The following NDRG3 variants were observed in gnomAD, a reference collection of about 807,000 sequenced individuals.
NDRG3 encodes NDRG family member 3, also known as protein NDRG3.
NDRG3 carries 23 observed loss-of-function variants against 57.2 expected under a neutral mutation model. The observed-to-expected ratio is 0.40, with a 90% CI of 0.29 to 0.57. NDRG3 has a LOEUF of 0.57. Among genes scored for constraint, NDRG3 ranks in the 20% least tolerant of loss-of-function variants. NDRG3 has a pLI of 0.42. For synonymous variants in NDRG3, 132 were observed against 162.6 expected (o/e 0.81, Z 1.43); for missense variants, 384 against 457.3 (o/e 0.84, Z 1.46).
rs189414069 is a variant in NDRG3 at position 36,672,183 on chromosome 20, C to T, written c.532-786G>A. On this transcript the variant is annotated intron_variant, in intron 8 of 15. Transcript: ENST00000349004. ...GGAAATGAGTTGTTTACAGAATGTT[C>T]TTGAGTTTTAAACATTTTTCTCCTA... 2.3e-3 allele frequency among the ~76,000 whole-genome samples: 357 copies of T among 152,218 alleles called. 2 individuals carry two copies. The highest frequency in any genetic ancestry group is 0.01 in the Middle Eastern group (3 of 294).
At chr20:36,701,611 G>A (rs1983230795) in intron 3 of NDRG3, among the ~76,000 whole-genome samples, 1 of 147,202 alleles carries the variant, frequency 6.8e-6, no homozygotes, top group Admixed American at 6.9e-5. Flanking sequence ...GCAATGGTGC[G>A]ATCTCAGCCC....
intron 1 of NDRG3, among the ~76,000 whole-genome samples, chr20:36,745,823 C>G (rs1258470695): frequency 6.4e-5 from 9 of 140,202 alleles, no homozygotes. Context: ...CGCCGGCGGG[C>G]TGGGCGCGGG....
chr20:36,668,776 TTA>T (rs1233821309), intron 9 of NDRG3: 1 of 151,130 alleles, frequency 6.6e-6, no homozygotes, highest in African/African-American at 2.4e-5. Context: ...ACATACATAG[TTA>T]TATATATACA....
intron 2 of NDRG3, among the ~76,000 whole-genome samples, chr20:36,719,849 G>A (rs1568664571): frequency 6.6e-6 from 1 of 152,034 alleles, no homozygotes; most frequent in Non-Finnish European, 1.5e-5. Context: ...GGGCATGGTG[G>A]CTCATGCCTG....
chr20:36,728,755 T>G (rs1225561481), intron 1 of NDRG3, among the ~76,000 whole-genome samples: 1 of 152,016 alleles, frequency 6.6e-6, no homozygotes, highest in African/African-American at 2.4e-5. Flanking sequence ...AGACAGAGTC[T>G]CACTCTGTCG....
intron 8 of NDRG3, among the ~76,000 whole-genome samples, chr20:36,674,777 T>C (rs557999515): frequency 6.6e-6 from 1 of 151,236 alleles, no homozygotes; most frequent in East Asian, 2.0e-4. Flanking sequence ...TGACACAAAG[T>C]CTTGTTCTGT....
intron 6 of NDRG3, among the ~76,000 whole-genome samples, chr20:36,683,625 T>G (rs6065174): frequency 1.3e-5 from 2 of 148,214 alleles, no homozygotes; most frequent in East Asian, 3.9e-4. Flanking sequence ...TCAAAACAAA[T>G]AAATAAATAA....
At chr20:36,666,253 T>C (rs1317402318) in intron 10 of NDRG3, 36 bp downstream of exon 10, 4 of 1,494,894 alleles carry the variant, frequency 2.7e-6, no homozygotes, top group Non-Finnish European at 3.7e-6. Context: ...TTAGAACCTG[T>C]TTACATTTAA....
At chr20:36,674,866 G>A in intron 8 of NDRG3, among the ~76,000 whole-genome samples, 1 of 139,464 alleles carries the variant, frequency 7.2e-6, no homozygotes, top group East Asian at 2.2e-4. Context: ...CTACAGGCAT[G>A]AGCCACCATG....
chr20:36,719,425 CAAAAA>C (rs542067369), intron 2 of NDRG3, among the ~76,000 whole-genome samples: 1 of 71,204 alleles, frequency 1.4e-5, no homozygotes, highest in Non-Finnish European at 2.8e-5. Context: ...GACTCCGTTT[CAAAAA>C]AAAAAAAAAA....
intron 1 of NDRG3, among the ~76,000 whole-genome samples, chr20:36,726,914 CTTTT>C (rs34520989): frequency 1.6e-5 from 2 of 125,434 alleles, no homozygotes; most frequent in Non-Finnish European, 3.1e-5. Context: ...ATCTTTCTTT[CTTTT>C]TTTTTTTTTT....
intron 12 of NDRG3, among the ~76,000 whole-genome samples, chr20:36,661,641 C>T (rs1348202112): frequency 1.3e-5 from 2 of 152,112 alleles, no homozygotes; most frequent in African/African-American, 2.4e-5. Context: ...GAATGGCTAC[C>T]GAGCCAAGTG....
At chr20:36,656,057 C>T (rs1294333715) in intron 15 of NDRG3, among the ~76,000 whole-genome samples, 1 of 150,802 alleles carries the variant, frequency 6.6e-6, no homozygotes, top group African/African-American at 2.4e-5. Flanking sequence ...TCGCTTGAAC[C>T]CAGGAGGCGG....
chr20:36,740,611 G>A lies in NDRG3; in HGVS notation c.-49+5434C>T, dbSNP rs551812465. Among the ~76,000 whole-genome samples the A allele has an allele frequency of 2.0e-5, 3 of 152,260 alleles. No homozygotes were observed. In the East Asian group the frequency reaches 5.8e-4, roughly 29 times the overall value. ...CCCGCCTCGGACTCCTAAAGTGCTG[G>A]GATTACAGGCGTGAGCCACCACACC... is the stretch of plus-strand genomic sequence containing the variant. On this transcript the variant is annotated intron_variant, in intron 1 of 15. Coordinates refer to ENST00000349004, the MANE Select transcript of NDRG3 (RefSeq NM_032013.4).
At chr20:36,688,913 G>T in intron 3 of NDRG3, 129 bp from the exon 4 acceptor site, 1 of 696,900 alleles carries the variant, frequency 1.4e-6, no homozygotes, top group Non-Finnish European at 2.6e-6. Context: ...ATTACATGTG[G>T]CTGGGCGTGG....
chr20:36,692,443 C>T (rs1270981187), intron 3 of NDRG3, among the ~76,000 whole-genome samples: 2 of 152,008 alleles, frequency 1.3e-5, no homozygotes, highest in Admixed American at 1.3e-4. Flanking sequence ...GGGCTGGTCT[C>T]GAACTCCTGA....
intron 9 of NDRG3, among the ~76,000 whole-genome samples, chr20:36,669,092 T>C (rs1979897241): frequency 2.0e-5 from 3 of 151,918 alleles, no homozygotes; most frequent in Non-Finnish European, 1.5e-5. Flanking sequence ...GTTTCGCTCT[T>C]GTTGCCCATG....
At chr20:36,701,063 C>G (rs1189871633) in intron 3 of NDRG3, among the ~76,000 whole-genome samples, 1 of 152,166 alleles carries the variant, frequency 6.6e-6, no homozygotes, top group Non-Finnish European at 1.5e-5. Flanking sequence ...CATGAGCCAC[C>G]ATTCCCCGGC....
intron 8 of NDRG3, among the ~76,000 whole-genome samples, chr20:36,672,165 AG>A (rs1980230030): frequency 6.6e-6 from 1 of 152,124 alleles, no homozygotes; most frequent in Admixed American, 6.6e-5. Flanking sequence ...GGAGGAAATG[AG>A]TTGTTTACAG....
Sources: gnomAD v4.1 joint callset for allele counts (sites outside exome capture counted in the v4.1 genomes callset) on GRCh38, gnomAD v4.1.1 for gene constraint, MANE v1.5 for transcripts, NCBI Gene and HGNC (gene_info 2026-07-23, HGNC 2026-07-21) for gene names.